The following RBFOX1 variants were observed in gnomAD, a reference collection of about 807,000 sequenced individuals.
RBFOX1 encodes RNA binding fox-1 homolog 1.
RBFOX1 carries 8 observed loss-of-function variants against 57.7 expected under a neutral mutation model. That is an observed-to-expected ratio of 0.14 (90% CI 0.08 to 0.25). The LOEUF (loss-of-function observed/expected upper bound fraction) is 0.25. Among genes scored for constraint, RBFOX1 ranks in the 10% least tolerant of loss-of-function variants. The pLI, the probability that RBFOX1 is intolerant of heterozygous loss-of-function variation, is 1.00. For synonymous variants in RBFOX1, 326 were observed against 222.4 expected, an observed-to-expected ratio of 1.47 and a Z score of -4.15; for missense variants, 611 against 548.5, an observed-to-expected ratio of 1.11 and a Z score of -1.14.
At chr16:5,319,283 A>C (rs1453570585) in intron 1 of RBFOX1, among the ~76,000 whole-genome samples, 1 of 152,214 alleles carries the variant, frequency 6.6e-6, no homozygotes, top group East Asian at 1.9e-4. Flanking sequence ...AGAAGCTGAG[A>C]GTGGTCCCTG....
chr16:5,704,236 G>C (rs1408047908), intron 3 of RBFOX1, among the ~76,000 whole-genome samples: 1 of 152,150 alleles, frequency 6.6e-6, no homozygotes. Context: ...GGATAAAACA[G>C]TAATAATTTG....
At chr16:5,612,245 C>T (rs958545620) in intron 3 of RBFOX1, among the ~76,000 whole-genome samples, 1 of 151,488 alleles carries the variant, frequency 6.6e-6, no homozygotes, top group Non-Finnish European at 1.5e-5. Context: ...ACTCTCCCAT[C>T]AGTTCTCCCA....
chr16:6,892,801 T>TCG lies in RBFOX1; in HGVS notation c.-15-159255_-15-159254insGC, dbSNP rs2065825991. Reference sequence around the variant, plus strand: ...CTCTCTCTCTCTCTCTCTCTCTCTCTCTCTCTCTCTCTCTCTCTCTCTCTC... The same window carrying TCG: ...CTCTCTCTCTCTCTCTCTCTCTCTCTCGCTCTCTCTCTCTCTCTCTCTCTCTC... On this transcript the variant is annotated intron_variant, in intron 3 of 15. Transcript: ENST00000550418. Among the ~76,000 whole-genome samples the TCG allele has an allele frequency of 2.9e-5, 4 of 139,586 alleles. No homozygotes were observed. In the South Asian group the frequency reaches 9.1e-4, roughly 32 times the overall value. The allele number at this position is 139,586 out of a possible 152,430, so 91.6% of individuals were successfully genotyped here.
Position 7,492,914 on chromosome 16 carries a change from C to T in RBFOX1, c.28-25233C>T, listed in dbSNP as rs1599869634. ...CTAATTAAGCCTCTCTTTTTTGAGA[C>T]GTCCCCCAGGCTGGAGTGCAGTGGT... On this transcript the variant is annotated intron_variant, in intron 4 of 15. Coordinates refer to ENST00000550418, the MANE Select transcript of RBFOX1 (RefSeq NM_018723.4). Among the ~76,000 whole-genome samples the T allele has an allele frequency of 2.0e-5, 3 of 152,048 alleles. No homozygotes were observed. The South Asian group carries it at 6.2e-4, about 32-fold the overall frequency.
At chr16:6,693,911 C>G (rs1234545585) in intron 3 of RBFOX1, among the ~76,000 whole-genome samples, 2 of 152,230 alleles carry the variant, frequency 1.3e-5, no homozygotes, top group African/African-American at 4.8e-5. Context: ...TGAGAATCAT[C>G]TAATTGACTG....
intron 3 of RBFOX1, among the ~76,000 whole-genome samples, chr16:5,606,125 C>G (rs1323588923): frequency 6.6e-6 from 1 of 152,158 alleles, no homozygotes; most frequent in African/African-American, 2.4e-5. Flanking sequence ...CTCCTCCTTT[C>G]TGACATATTT....
chr16:6,583,081 A>G (rs1329247267), intron 2 of RBFOX1, among the ~76,000 whole-genome samples: 1 of 151,664 alleles, frequency 6.6e-6, no homozygotes, highest in African/African-American at 2.4e-5. Flanking sequence ...TCTCAGGTAA[A>G]TTCTCCCCAC....
intron 4 of RBFOX1, among the ~76,000 whole-genome samples, chr16:5,932,097 G>A (rs928591905): frequency 2.6e-5 from 4 of 152,188 alleles, no homozygotes; most frequent in Non-Finnish European, 5.9e-5. Context: ...GAGCCACTGT[G>A]CCTGGCCTTG....
chr16:6,249,772 CTT>C (rs55802545), intron 1 of RBFOX1, among the ~76,000 whole-genome samples: 2 of 140,660 alleles, frequency 1.4e-5, no homozygotes, highest in African/African-American at 2.6e-5. Context: ...CATTTTTTTT[CTT>C]TTTTTTTTTT....
intron 3 of RBFOX1, among the ~76,000 whole-genome samples, chr16:6,937,354 A>G (rs950599637): frequency 6.6e-6 from 1 of 152,156 alleles, no homozygotes; most frequent in Non-Finnish European, 1.5e-5. Context: ...CTTTTGAAGT[A>G]GATACTTTTC....
chr16:6,125,553 C>G (rs970831982), intron 1 of RBFOX1, among the ~76,000 whole-genome samples: 2 of 152,148 alleles, frequency 1.3e-5, no homozygotes, highest in African/African-American at 4.8e-5. Context: ...TGCCATATGC[C>G]TGGAGTGCAC....
intron 1 of RBFOX1, among the ~76,000 whole-genome samples, chr16:5,260,123 C>A (rs1567246805): frequency 6.6e-6 from 1 of 152,098 alleles, no homozygotes; most frequent in African/African-American, 2.4e-5. Flanking sequence ...ATCGCTTAAG[C>A]CTGGGAGGTG....
rs774049162 is a variant in RBFOX1, at chr16:6,443,241, TC to T, written c.-64+126187del. On this transcript the variant is annotated intron_variant, in intron 2 of 15. Coordinates refer to ENST00000550418, the MANE Select transcript of RBFOX1 (RefSeq NM_018723.4). ...CTCAAAGGTGTGAAGATTTCTTTCC[TC>T]CCTTGTTTTCCTCCCTTTCTTCCTG... Among the ~76,000 whole-genome samples, 6 of 152,300 alleles carry T rather than the reference TC, an allele frequency of 3.9e-5. No homozygotes were observed. In the East Asian group the frequency reaches 5.8e-4, roughly 15 times the overall value.
intron 4 of RBFOX1, among the ~76,000 whole-genome samples, chr16:7,446,687 C>T (rs891135533): frequency 2.0e-5 from 3 of 151,968 alleles, no homozygotes; most frequent in Non-Finnish European, 2.9e-5. Context: ...GTTGGGCAAC[C>T]CCATAGAGCA....
At chr16:6,218,853 G>GA (rs76069723) in intron 1 of RBFOX1, among the ~76,000 whole-genome samples, 89 of 16,024 alleles carry the variant, frequency 5.6e-3, no homozygotes, top group African/African-American at 6.3e-3. Flanking sequence ...ATTGAAGCCA[G>GA]AAAAAAAAAA....
chr16:7,337,826 A>C (rs559694663), intron 4 of RBFOX1, among the ~76,000 whole-genome samples: 9 of 152,288 alleles, frequency 5.9e-5, no homozygotes, highest in African/African-American at 2.2e-4. Flanking sequence ...CTGGGATTAC[A>C]GGCACGTGCC....
At chr16:6,656,921 T>A (rs1191417290) in intron 3 of RBFOX1, among the ~76,000 whole-genome samples, 58 of 131,842 alleles carry the variant, frequency 4.4e-4, no homozygotes, top group East Asian at 1.5e-3. Flanking sequence ...TCCTCCCCTC[T>A]CCTCTCCTCC....
intron 3 of RBFOX1, among the ~76,000 whole-genome samples, chr16:5,729,524 G>C (rs2052283909): frequency 6.6e-6 from 1 of 151,460 alleles, no homozygotes; most frequent in Admixed American, 6.6e-5. Context: ...TTCAGAGATA[G>C]GCATGTGGGA....
At chr16:5,431,728 T>C (rs746963762) in intron 1 of RBFOX1, among the ~76,000 whole-genome samples, 1 of 152,180 alleles carries the variant, frequency 6.6e-6, no homozygotes, top group Non-Finnish European at 1.5e-5. Context: ...GGACTACCCA[T>C]AGTCATGCAG....
Sources: gnomAD v4.1 joint callset for allele counts (sites outside exome capture counted in the v4.1 genomes callset) on GRCh38, gnomAD v4.1.1 for gene constraint, MANE v1.5 for transcripts, NCBI Gene and HGNC (gene_info 2026-07-23, HGNC 2026-07-21) for gene names.